Variants in NKAIN2 observed in about 807,000 individuals in gnomAD.
NKAIN2 encodes the protein sodium/potassium-transporting ATPase subunit beta-1-interacting protein 2.
In NKAIN2, 14 loss-of-function variants were observed where a neutral mutation model predicts 32.6. That is an observed-to-expected ratio of 0.43 (90% CI 0.28 to 0.67). NKAIN2 has a LOEUF of 0.67. Ranked by LOEUF, NKAIN2 falls within the 30% of genes least tolerant of loss-of-function variation. The pLI, the probability that NKAIN2 is intolerant of heterozygous loss-of-function variation, is 0.17. For missense variants in NKAIN2, 198 were observed against 258.3 expected (o/e 0.77, Z 1.60); for synonymous variants, 80 against 87.2 (o/e 0.92, Z 0.46).
intron 4 of NKAIN2, among the ~76,000 whole-genome samples, chr6:124,660,871 G>A (rs1009975341): frequency 6.6e-6 from 1 of 152,152 alleles, no homozygotes; most frequent in Non-Finnish European, 1.5e-5. Flanking sequence ...AATCAAAAAG[G>A]CTTATCTTTA....
intron 4 of NKAIN2, among the ~76,000 whole-genome samples, chr6:124,688,633 C>T (rs1209429825): frequency 1.3e-5 from 2 of 152,044 alleles, no homozygotes; most frequent in African/African-American, 2.4e-5. Context: ...CTACCCAGCC[C>T]TCCCCCTCCA....
chr6:124,570,466 G>C (rs1460098228), intron 3 of NKAIN2, among the ~76,000 whole-genome samples: 1 of 152,086 alleles, frequency 6.6e-6, no homozygotes, highest in Non-Finnish European at 1.5e-5. Context: ...CTGGGTCCCT[G>C]CGCTGTGTGC....
At chr6:124,120,195 A>G (rs1166578072) in intron 1 of NKAIN2, among the ~76,000 whole-genome samples, 1 of 152,168 alleles carries the variant, frequency 6.6e-6, no homozygotes, top group Non-Finnish European at 1.5e-5. Flanking sequence ...ATTTTTAAAA[A>G]TTTTATTTTA....
intron 4 of NKAIN2, 46 bp from the exon 5 acceptor site, chr6:124,791,293 G>A (rs948839787): frequency 6.8e-7 from 1 of 1,474,350 alleles, no homozygotes; most frequent in Non-Finnish European, 9.5e-7. Context: ...GAGGTCTGGT[G>A]TTGGTGCCTT....
chr6:124,624,632 T>TTTA (rs1433852742), intron 3 of NKAIN2, among the ~76,000 whole-genome samples: 1 of 152,206 alleles, frequency 6.6e-6, no homozygotes, highest in East Asian at 1.9e-4. Flanking sequence ...CAGAATATGA[T>TTTA]TTATTTTCTG....
intron 1 of NKAIN2, among the ~76,000 whole-genome samples, chr6:124,185,974 A>C (rs930707664): frequency 1.3e-4 from 19 of 151,726 alleles, no homozygotes; most frequent in African/African-American, 4.6e-4. Flanking sequence ...TTGTTACCCA[A>C]AATAGGAACC....
chr6:123,817,929 A>G (rs144642386), intron 1 of NKAIN2, among the ~76,000 whole-genome samples: 1 of 152,238 alleles, frequency 6.6e-6, no homozygotes, highest in African/African-American at 2.4e-5. Flanking sequence ...TTTATGGTCA[A>G]TTATGTACTC....
chr6:124,597,695 AC>A (rs1279723508), intron 3 of NKAIN2, among the ~76,000 whole-genome samples: 4 of 152,126 alleles, frequency 2.6e-5, no homozygotes, highest in African/African-American at 9.7e-5. Flanking sequence ...ATTCCAAGGG[AC>A]CTGATACCCA....
chr6:124,394,512 A>AT (rs1388640631), intron 3 of NKAIN2, among the ~76,000 whole-genome samples: 7 of 147,390 alleles, frequency 4.7e-5, no homozygotes, highest in African/African-American at 1.3e-4. Flanking sequence ...GATAGATTAG[A>AT]TAGATACAGA....
chr6:124,323,380 C>G (rs1351161423), intron 2 of NKAIN2, among the ~76,000 whole-genome samples: 2 of 152,254 alleles, frequency 1.3e-5, no homozygotes, highest in East Asian at 3.9e-4. Flanking sequence ...CCTACAAAAT[C>G]TTAGAAAAGT....
chr6:124,594,873 A>T (rs924219681), intron 3 of NKAIN2, among the ~76,000 whole-genome samples: 8 of 152,072 alleles, frequency 5.3e-5, no homozygotes, highest in East Asian at 1.9e-4. Flanking sequence ...GGAAGAATGC[A>T]TCCTTCCTGT....
chr6:124,075,344 T>G (rs1783647024), intron 1 of NKAIN2, among the ~76,000 whole-genome samples: 1 of 152,172 alleles, frequency 6.6e-6, no homozygotes. Context: ...TAACATTGAT[T>G]AATATTATTT....
At chr6:124,370,321 T>C (rs1050494369) in intron 3 of NKAIN2, among the ~76,000 whole-genome samples, 1 of 152,062 alleles carries the variant, frequency 6.6e-6, no homozygotes, top group Admixed American at 6.6e-5. Context: ...CGCCTCTTTA[T>C]AGGTTATATT....
chr6:124,461,804 A>G (rs1046301059), intron 3 of NKAIN2, among the ~76,000 whole-genome samples: 5 of 151,934 alleles, frequency 3.3e-5, no homozygotes, highest in Middle Eastern at 3.4e-3. Context: ...AAGGTTTTAT[A>G]GATAACTCCT....
At chr6:124,664,916 G>T (rs898104587) in intron 4 of NKAIN2, among the ~76,000 whole-genome samples, 1 of 147,786 alleles carries the variant, frequency 6.8e-6, no homozygotes, top group African/African-American at 2.5e-5. Context: ...AAACAAGAAT[G>T]TATACGTGTA....
In NKAIN2 at chr6:124,026,958, G is replaced by C. The variant is rs374590573; in HGVS notation, c.54+222704G>C. The stretch of plus-strand genomic sequence containing the variant: ...TGCTGAGAAGCTCAGGTTGTATGGA[G>C]CTTGTAGCCACTGTGTTTCTGCCTC... On this transcript the variant is annotated intron_variant, in intron 1 of 6. Transcript: ENST00000368417. Among the ~76,000 whole-genome samples, 471 of 152,138 alleles carry C rather than the reference G, an allele frequency of 3.1e-3. 4 individuals carry two copies. The highest frequency in any genetic ancestry group is 0.011 in the African/African-American group (452 of 41,518).
chr6:124,481,846 C>CA (rs145379505), intron 3 of NKAIN2, among the ~76,000 whole-genome samples: 3,431 of 151,752 alleles, frequency 0.023, 132 homozygotes, highest in African/African-American at 0.079. Context: ...TCCTAAGGGG[C>CA]AAAAAACGTG....
intron 3 of NKAIN2, among the ~76,000 whole-genome samples, chr6:124,604,302 T>C (rs1376591370): frequency 6.6e-6 from 1 of 152,076 alleles, no homozygotes. Flanking sequence ...TAATGTGATA[T>C]AATTGCTAAC....
At chr6:124,131,249 A>T (rs1018714088) in intron 1 of NKAIN2, among the ~76,000 whole-genome samples, 1 of 152,078 alleles carries the variant, frequency 6.6e-6, no homozygotes, top group Non-Finnish European at 1.5e-5. Flanking sequence ...GGTTCAAGTG[A>T]TCCTCCTGCC....
Sources: allele counts gnomAD v4.1 joint callset (sites outside exome capture counted in the v4.1 genomes callset), GRCh38; gene constraint gnomAD v4.1.1; transcripts MANE v1.5; gene names NCBI Gene and HGNC (gene_info 2026-07-23, HGNC 2026-07-21).